The following UBR2 variants were observed in gnomAD, a reference collection of about 807,000 sequenced individuals.
UBR2 encodes E3 ubiquitin-protein ligase UBR2.
In UBR2, 92 loss-of-function variants were observed where a neutral mutation model predicts 247.9. The observed-to-expected ratio is 0.37, with a 90% CI of 0.31 to 0.44. UBR2 has a LOEUF of 0.44. Ranked by LOEUF, UBR2 falls within the 20% of genes least tolerant of loss-of-function variation. The pLI is 1.00. For synonymous variants in UBR2, 672 were observed against 693.5 expected (o/e 0.97, Z 0.49); for missense variants, 1,613 against 2,112.6 (o/e 0.76, Z 4.64).
chr6:42,691,161 G>T lies in UBR2; in HGVS notation c.5256G>T (p.Trp1752Cys). The change falls in exon 47 of 47, where the codon TGG becomes TGT. Residue 1752 changes from tryptophan to cysteine, a missense_variant. Trp to Cys is a radical substitution (Grantham distance 215, BLOSUM62 -2). Transcript: ENST00000372901. ...EANQTLVGID[W>C]QHL Reference sequence around the variant, plus strand: ...ATCAGACACTGGTTGGCATTGACTGGCAACATTTATAATTATTGCACCACC... The same window carrying T: ...ATCAGACACTGGTTGGCATTGACTGTCAACATTTATAATTATTGCACCACC... The T allele has an allele frequency of 2.5e-6, 4 of 1,613,468 alleles. No homozygotes were observed. Among genetic ancestry groups the T allele is most frequent in the Non-Finnish European group, 2.5e-6 (3 of 1,179,890 alleles).
chr6:42,632,333 C>G (rs1795800928), intron 11 of UBR2, among the ~76,000 whole-genome samples: 1 of 152,022 alleles, frequency 6.6e-6, no homozygotes, highest in Admixed American at 6.6e-5. Flanking sequence ...TTCTAACATT[C>G]TGGCATCTTT....
At chr6:42,612,093 A>G in intron 7 of UBR2, 78 bp from the exon 8 acceptor site, 1 of 1,338,618 alleles carries the variant, frequency 7.5e-7, no homozygotes, top group African/African-American at 1.4e-5. Flanking sequence ...TGGTTATATT[A>G]AGTAAAAATA....
At chr6:42,594,543 A>C (rs1792853091) in intron 4 of UBR2, among the ~76,000 whole-genome samples, 2 of 152,192 alleles carry the variant, frequency 1.3e-5, no homozygotes. Context: ...TGTTTTAAGC[A>C]TACTTGAAGT....
chr6:42,646,807 T>TTA (rs369889480), intron 21 of UBR2, among the ~76,000 whole-genome samples: 3,787 of 148,388 alleles, frequency 0.026, 69 homozygotes, highest in East Asian at 0.038. Flanking sequence ...ATATATATGT[T>TTA]TATATATATA....
At chr6:42,583,082 A>C (rs559381516) in intron 2 of UBR2, among the ~76,000 whole-genome samples, 1 of 151,810 alleles carries the variant, frequency 6.6e-6, no homozygotes, top group Non-Finnish European at 1.5e-5. Context: ...TTTTGTGACT[A>C]TTTTCTCCTA....
At chr6:42,662,030 G>A (rs182457399) in intron 30 of UBR2, among the ~76,000 whole-genome samples, 154 bp from the exon 31 acceptor site, 3 of 152,184 alleles carry the variant, frequency 2.0e-5, no homozygotes, top group African/African-American at 7.2e-5. Flanking sequence ...ATAATCCAAG[G>A]TGTTGCATAA....
chr6:42,574,149 A>G (rs947233131), intron 2 of UBR2, among the ~76,000 whole-genome samples, 156 bp downstream of exon 2: 1 of 152,236 alleles, frequency 6.6e-6, no homozygotes, highest in Non-Finnish European at 1.5e-5. Context: ...TAATTAAAGC[A>G]AACATTTTTG....
At chr6:42,676,898 G>A (rs778655977) in intron 40 of UBR2, 25 bp downstream of exon 40, 8 of 1,547,500 alleles carry the variant, frequency 5.2e-6, no homozygotes, top group African/African-American at 1.4e-5. Context: ...TTTACATAAC[G>A]CATTTCCCTA....
chr6:42,676,915 G>A, intron 40 of UBR2, 42 bp downstream of exon 40: 1 of 1,451,738 alleles, frequency 6.9e-7, no homozygotes, highest in Non-Finnish European at 9.7e-7. Context: ...CCTAAATATT[G>A]CTAGATGATG....
At chr6:42,690,804 G>A (rs1684199498) in intron 46 of UBR2, among the ~76,000 whole-genome samples, 1 of 152,114 alleles carries the variant, frequency 6.6e-6, no homozygotes, top group African/African-American at 2.4e-5. Context: ...GGTAAGTCTG[G>A]TTTGTGTACC....
intron 5 of UBR2, among the ~76,000 whole-genome samples, chr6:42,604,079 A>G (rs1193862187): frequency 6.6e-6 from 1 of 152,198 alleles, no homozygotes; most frequent in Non-Finnish European, 1.5e-5. Context: ...AAACTCTTTG[A>G]TATAAATGAG....
At chr6:42,657,286 TA>T (rs1425447521) in intron 26 of UBR2, among the ~76,000 whole-genome samples, 1 of 151,920 alleles carries the variant, frequency 6.6e-6, no homozygotes. Context: ...CTTTCCTTAT[TA>T]AACAATCATC....
chr6:42,583,475 A>T (rs1410369838), intron 2 of UBR2, among the ~76,000 whole-genome samples: 1 of 150,028 alleles, frequency 6.7e-6, no homozygotes, highest in Non-Finnish European at 1.5e-5. Context: ...TTGAACTCCC[A>T]ACCTCATGTG....
At chr6:42,680,991 G>A (rs920299857) in intron 42 of UBR2, among the ~76,000 whole-genome samples, 7 of 151,908 alleles carry the variant, frequency 4.6e-5, no homozygotes, top group East Asian at 1.9e-4. Flanking sequence ...ATGAAACCCC[G>A]TCTCTACTAA....
chr6:42,622,019 C>CT (rs1380806163), intron 11 of UBR2, among the ~76,000 whole-genome samples: 31 of 151,760 alleles, frequency 2.0e-4, no homozygotes, highest in Admixed American at 2.0e-3. Context: ...TCCCACTCTT[C>CT]TTTTTTTTCT....
chr6:42,595,982 A>T (rs1388429685), intron 4 of UBR2, among the ~76,000 whole-genome samples: 1 of 151,742 alleles, frequency 6.6e-6, no homozygotes, highest in Non-Finnish European at 1.5e-5. Context: ...GGGGTTCTGT[A>T]TGTAGAAATA....
chr6:42,644,001 A>G (rs961985858), intron 18 of UBR2, among the ~76,000 whole-genome samples: 2 of 152,090 alleles, frequency 1.3e-5, no homozygotes, highest in Non-Finnish European at 2.9e-5. Flanking sequence ...ATTTTGTTTT[A>G]CCAATTTAGA....
chr6:42,673,709 C>A, intron 36 of UBR2, 82 bp from the exon 37 acceptor site: 1 of 930,782 alleles, frequency 1.1e-6, no homozygotes, highest in Non-Finnish European at 1.7e-6. Flanking sequence ...CATTGTGCAT[C>A]CAGCTGTGCT....
At chr6:42,661,011 A>G (rs1797769210) in intron 30 of UBR2, among the ~76,000 whole-genome samples, 1 of 148,476 alleles carries the variant, frequency 6.7e-6, no homozygotes, top group African/African-American at 2.5e-5. Context: ...AAAAAAAAAA[A>G]GGCCAGGCGC....
Sources: allele counts gnomAD v4.1 joint callset (sites outside exome capture counted in the v4.1 genomes callset), GRCh38; gene constraint gnomAD v4.1.1; transcripts MANE v1.5; gene names NCBI Gene and HGNC (gene_info 2026-07-23, HGNC 2026-07-21).